Variants in INSR observed in about 807,000 individuals in gnomAD.
INSR encodes IR.
A neutral mutation model predicts 142.6 loss-of-function variants in INSR; 67 were observed. The observed-to-expected ratio is 0.47, with a 90% confidence interval of 0.39 to 0.58. INSR has a LOEUF of 0.58. Ranked by LOEUF, INSR falls within the 20% of genes least tolerant of loss-of-function variation. The pLI is 0.00. For missense variants in INSR, 1,248 were observed against 1,833.2 expected (o/e 0.68, Z 5.83); for synonymous variants, 756 against 743.1 (o/e 1.02, Z -0.28).
chr19:7,252,459 G>A (rs555139451), intron 2 of INSR, among the ~76,000 whole-genome samples: 8 of 152,036 alleles, frequency 5.3e-5, no homozygotes, highest in African/African-American at 1.7e-4. Context: ...GATCAAACCC[G>A]TCTGCTAGGT....
Position 7,124,540 on chromosome 19 carries a change from GGAAAAAAAAAAAAAAAAA to G in INSR, c.3258+725_3258+742del, listed in dbSNP as rs1972577288. Among the ~76,000 whole-genome samples, 16 of 10,810 alleles carry G rather than the reference GGAAAAAAAAAAAAAAAAA, an allele frequency of 1.5e-3. 2 individuals carry two copies. The highest frequency in any genetic ancestry group is 9.5e-3 in the Admixed American group (5 of 524). The allele number at this position is 10,810 out of a possible 152,430, so 7.1% of individuals were successfully genotyped here. The stretch of plus-strand genomic sequence containing the variant: ...CACAACAAAGCGAGACTCCGTTTCA[GGAAAAAAAAAAAAAAAAA>G]AAAAAAAAAAAAAAAAAAAAAAAAA... On this transcript the variant is annotated intron_variant, in intron 17 of 21. Coordinates refer to ENST00000302850, the MANE Select transcript of INSR (RefSeq NM_000208.4).
intron 1 of INSR, among the ~76,000 whole-genome samples, chr19:7,286,123 G>A (rs778724048): frequency 2.6e-5 from 4 of 151,702 alleles, no homozygotes; most frequent in Non-Finnish European, 5.9e-5. Context: ...GGGACCACAG[G>A]TGCTCACCAC....
intron 6 of INSR, among the ~76,000 whole-genome samples, chr19:7,169,750 A>G (rs1026201976): frequency 4.6e-5 from 7 of 152,196 alleles, no homozygotes; most frequent in Non-Finnish European, 8.8e-5. Flanking sequence ...CCTGATACAC[A>G]TATAAGAAGG....
At chr19:7,194,985 C>T (rs894923625) in intron 2 of INSR, among the ~76,000 whole-genome samples, 4 of 152,026 alleles carry the variant, frequency 2.6e-5, no homozygotes, top group East Asian at 1.9e-4. Flanking sequence ...CCCCTGTCCT[C>T]GAGACATCCA....
In INSR at chr19:7,184,383, G is replaced by T. The variant is rs1974362374; in HGVS notation, c.907C>A (p.Gln303Lys). 6.2e-7 allele frequency: 1 copy of T among 1,614,054 alleles called. No individual in the cohort carries two copies. The highest frequency in any genetic ancestry group is 1.1e-5 in the South Asian group (1 of 91,070). The change falls in exon 3 of 22, where the codon CAG becomes AAG. Residue 303 changes from glutamine to lysine, a missense_variant. Around this residue, in one of 3 missense-constraint regions of INSR, gnomAD observed 1,069 missense variants for 1,654.0 expected, o/e 0.65. Coordinates refer to ENST00000302850, the MANE Select transcript of INSR (RefSeq NM_000208.4). ...CACTTGTTGTTGTGAATGACGTACT[G>T]GTGGCAGCCCTGCCTCCGCGAGTTC... ...CKNSRRQGCH[Q>K]YVIHNNKCIP...
chr19:7,184,633 G>A lies in INSR; in HGVS notation c.657C>T (p.Cys219=), dbSNP rs770786242. 6.3e-7 allele frequency: 1 copy of A among 1,595,530 alleles called. No individual in the cohort carries two copies. The highest frequency in any genetic ancestry group is 2.2e-5 in the East Asian group (1 of 44,666). The change falls in exon 3 of 22, where the codon TGC becomes TGT. Residue 219 remains cysteine (C), a synonymous_variant. Transcript: ENST00000302850. ...CWTHSHCQKV[C]PTICKSHGCT... ...AGCCGTGTGACTTACAGATGGTCGG[G>A]CAAACTGGAGAGAGAGAGAGAGAGA...
intron 2 of INSR, among the ~76,000 whole-genome samples, chr19:7,229,332 A>AGATGGATGGATGGATG (rs1162772377): frequency 2.0e-4 from 16 of 81,990 alleles, no homozygotes; most frequent in African/African-American, 5.7e-4. Context: ...ATGGATGGAT[A>AGATGGATGGATGGATG]GATGGATGGA....
In INSR at chr19:7,272,434, G is replaced by A. The variant is rs374897609; in HGVS notation, c.101-4538C>T. On this transcript the variant is annotated intron_variant, in intron 1 of 21. Transcript: ENST00000302850. ...GGAGTTGGAGACCAGCTTGGCCAAC[G>A]TGGTGAAAACCTGTCTCTACTAAAA... Among the ~76,000 whole-genome samples, 532 of 152,050 alleles carry A rather than the reference G, an allele frequency of 3.5e-3. 3 individuals are homozygous for A. The highest frequency in any genetic ancestry group is 0.011 in the African/African-American group (460 of 41,516).
Position 7,168,173 on chromosome 19 carries a change from C to T in INSR, c.1484-79G>A. 3 of 1,449,224 alleles carry T rather than the reference C, an allele frequency of 2.1e-6. No homozygotes were observed. The highest frequency in any genetic ancestry group is 1.7e-5 in the Admixed American group (1 of 58,474). The allele number at this position is 1,449,224 out of a possible 1,614,324, so 89.8% of individuals were successfully genotyped here. A position where few individuals can be genotyped will look rare whatever the true frequency, so the allele number is the denominator to read the frequency against. ...CCAAAGCCTGGGACCCCCACACTTCCTGGAGGGACCGTGAGAAGGCAGAGG... is the reference window on the plus strand; with the variant it reads ...CCAAAGCCTGGGACCCCCACACTTCTTGGAGGGACCGTGAGAAGGCAGAGG... On this transcript the variant is annotated intron_variant, in intron 6 of 21. Coordinates refer to ENST00000302850, the MANE Select transcript of INSR (RefSeq NM_000208.4). The surrounding 1 kb of genome is among the most constrained non-coding windows in gnomAD (Gnocchi z 4.3).
intron 2 of INSR, among the ~76,000 whole-genome samples, chr19:7,253,771 G>A (rs1341854882): frequency 6.6e-6 from 1 of 152,066 alleles, no homozygotes; most frequent in African/African-American, 2.4e-5. Context: ...GCTCACGCCT[G>A]TCATCCCAAC....
chr19:7,271,747 C>T (rs375111718), intron 1 of INSR, among the ~76,000 whole-genome samples: 105 of 152,198 alleles, frequency 6.9e-4, no homozygotes, highest in African/African-American at 2.2e-3. Flanking sequence ...CAGTGGCTCA[C>T]GCCTGTAATC....
At chr19:7,289,405 C>CTTTTTTT (rs777933899) in intron 1 of INSR, among the ~76,000 whole-genome samples, 1 of 130,222 alleles carries the variant, frequency 7.7e-6, no homozygotes, top group Non-Finnish European at 1.7e-5. Flanking sequence ...TTTTTCTTTT[C>CTTTTTTT]TTTTTTTTTT....
chr19:7,259,347 C>A (rs192156601), intron 2 of INSR, among the ~76,000 whole-genome samples: 1 of 151,880 alleles, frequency 6.6e-6, no homozygotes. Context: ...GGGTGCGCGG[C>A]GGAAGGGGTG....
At chr19:7,144,405 T>C (rs1036988251) in intron 11 of INSR, among the ~76,000 whole-genome samples, 14 of 151,996 alleles carry the variant, frequency 9.2e-5, no homozygotes, top group African/African-American at 3.4e-4. Context: ...ATCCTCCTTA[T>C]TTATTTATTT....
intron 3 of INSR, among the ~76,000 whole-genome samples, chr19:7,177,686 C>A (rs1290046959): frequency 6.8e-6 from 1 of 148,006 alleles, no homozygotes; most frequent in Non-Finnish European, 1.5e-5. Context: ...CACCACCATG[C>A]CCCATCTAAT....
In INSR at chr19:7,234,614, T is replaced by C. The variant is rs960750001; in HGVS notation, c.652+32731A>G. Among the ~76,000 whole-genome samples the C allele has an allele frequency of 6.6e-5, 10 of 152,254 alleles. No homozygotes were observed. In the South Asian group the frequency reaches 1.4e-3, roughly 22 times the overall value. Reference sequence around the variant, plus strand: ...AGGGGGGTTTTGGAATCATTGAAGATACCAAGGCACAAGTGTACAATCTAT... The same window carrying C: ...AGGGGGGTTTTGGAATCATTGAAGACACCAAGGCACAAGTGTACAATCTAT... On this transcript the variant is annotated intron_variant, in intron 2 of 21. Coordinates refer to ENST00000302850, the MANE Select transcript of INSR (RefSeq NM_000208.4).
At chr19:7,158,379 T>C (rs1392429191) in intron 9 of INSR, among the ~76,000 whole-genome samples, 2 of 152,036 alleles carry the variant, frequency 1.3e-5, no homozygotes, top group African/African-American at 2.4e-5. Context: ...CGGGCGCCTG[T>C]AGTCCCAGCT....
intron 10 of INSR, among the ~76,000 whole-genome samples, chr19:7,151,007 CATTTGCT>C (rs1449657639): frequency 2.0e-5 from 3 of 149,282 alleles, no homozygotes; most frequent in African/African-American, 4.9e-5. Flanking sequence ...TTCCTTCCTT[CATTTGCT>C]TTCTTTCTCT....
At chr19:7,175,845 A>AG (rs1974123463) in intron 3 of INSR, among the ~76,000 whole-genome samples, 1 of 151,750 alleles carries the variant, frequency 6.6e-6, no homozygotes, top group Non-Finnish European at 1.5e-5. Flanking sequence ...AAAAAAAAAA[A>AG]AGTCTCCCAA....
Sources: allele counts gnomAD v4.1 joint callset (sites outside exome capture counted in the v4.1 genomes callset), GRCh38; gene constraint gnomAD v4.1.1; regional missense constraint gnomAD v4.1.1; non-coding constraint Gnocchi (gnomAD v3.1); transcripts MANE v1.5; gene names NCBI Gene and HGNC (gene_info 2026-07-23, HGNC 2026-07-21).